AIG1: variants seen among roughly 807,000 people sequenced by gnomAD.
AIG1 encodes androgen induced 1, also known as androgen-induced gene 1 protein.
In AIG1, 23 loss-of-function variants were observed where a neutral mutation model predicts 31.4. The observed-to-expected ratio is 0.73, with a 90% CI of 0.53 to 1.04. The LOEUF is 1.04. AIG1 is among the 50% of genes least tolerant of loss of function. AIG1 has a pLI of 0.00. For missense variants in AIG1, 274 were observed against 295.0 expected (o/e 0.93, Z 0.52); for synonymous variants, 100 against 110.5 (o/e 0.90, Z 0.60).
chr6:143,275,020 A>T (rs1475483912), intron 3 of AIG1, among the ~76,000 whole-genome samples: 1 of 152,214 alleles, frequency 6.6e-6, no homozygotes. Flanking sequence ...ATAAACACAG[A>T]GGGATGAAAT....
chr6:143,203,581 G>A (rs183655680), intron 3 of AIG1, among the ~76,000 whole-genome samples: 44 of 152,276 alleles, frequency 2.9e-4, no homozygotes, highest in African/African-American at 9.1e-4. Flanking sequence ...CTCTAAACTG[G>A]GGAGATTAGG....
In AIG1 at chr6:143,212,551, C is replaced by A. The variant is rs1791673927; in HGVS notation, c.399+47368C>A. 2.0e-5 allele frequency among the ~76,000 whole-genome samples: 3 copies of A among 152,236 alleles called. No homozygotes were observed. The South Asian group carries it at 6.2e-4, about 32-fold the overall frequency. On this transcript the variant is annotated intron_variant, in intron 3 of 5. Coordinates refer to ENST00000357847, the MANE Select transcript of AIG1 (RefSeq NM_016108.4). ...GACACGTTTTAAGCAAGTGACTGAC[C>A]AGACCATGAATTCCTGAATAGGAAT...
In AIG1 at chr6:143,084,488, G is replaced by A. The variant is rs9403438; in HGVS notation, c.141+23422G>A. On this transcript the variant is annotated intron_variant, in intron 1 of 5. Coordinates refer to ENST00000357847, the MANE Select transcript of AIG1 (RefSeq NM_016108.4). The stretch of plus-strand genomic sequence containing the variant: ...AAAGCGGTGGCCTTTTTCTTATCCC[G>A]TTTGTCCCATTCCACCTGCTCCTCC... Among the ~76,000 whole-genome samples the A allele has an allele frequency of 2.8e-3, 428 of 152,176 alleles. 9 individuals carry two copies. In the East Asian group the frequency reaches 0.049, roughly 17 times the overall value.
Position 143,293,104 on chromosome 6 carries a change from A to T in AIG1, c.515+8879A>T, listed in dbSNP as rs1287718166. On this transcript the variant is annotated intron_variant, in intron 4 of 5. Transcript: ENST00000357847. This position sits in a 1 kb window ranked among gnomAD's most constrained non-coding sequence, Gnocchi z 4.8. ...TGTGAGGATTAATGAGCCCATAGGG[A>T]TGCTCAGGAAATGAGAGCATCTTCC... is the stretch of plus-strand genomic sequence containing the variant. 6.6e-6 allele frequency among the ~76,000 whole-genome samples: 1 copy of T among 152,122 alleles called. No homozygotes were observed. The highest frequency in any genetic ancestry group is 6.5e-5 in the Admixed American group (1 of 15,270).
At chr6:143,231,790 G>A (rs920109998) in intron 3 of AIG1, among the ~76,000 whole-genome samples, 5 of 152,246 alleles carry the variant, frequency 3.3e-5, no homozygotes, top group African/African-American at 1.2e-4. Flanking sequence ...TGTCAGTTTA[G>A]GCTAATCATA....
Position 143,284,264 on chromosome 6 carries a change from AT to A in AIG1, c.515+43del, listed in dbSNP as rs1797544003. 1 of 1,455,576 alleles carries A rather than the reference AT, an allele frequency of 6.9e-7. No homozygotes were observed. Among genetic ancestry groups the A allele is most frequent in the African/African-American group, 1.4e-5 (1 of 71,450 alleles). 90.2% of individuals were successfully genotyped at this position (1,455,576 alleles called of 1,614,324 possible). Reference sequence around the variant, plus strand: ...CTGCTGGGCTTTCTTATTGTATTAGATTTTGCACTGCTAAATTTGGGCACAT... The same window carrying A: ...CTGCTGGGCTTTCTTATTGTATTAGATTTGCACTGCTAAATTTGGGCACAT... On this transcript the variant is annotated intron_variant, in intron 4 of 5. Coordinates refer to ENST00000357847, the MANE Select transcript of AIG1 (RefSeq NM_016108.4). The surrounding 1 kb of genome is among the most constrained non-coding windows in gnomAD (Gnocchi z 4.4).
intron 3 of AIG1, among the ~76,000 whole-genome samples, chr6:143,260,389 G>C (rs1232528428): frequency 1.3e-5 from 2 of 152,154 alleles, no homozygotes; most frequent in African/African-American, 2.4e-5. Context: ...ATATTGTTGT[G>C]TTTGGTGTTT....
chr6:143,247,562 A>G (rs1044015035), intron 3 of AIG1, among the ~76,000 whole-genome samples: 2 of 152,220 alleles, frequency 1.3e-5, no homozygotes, highest in East Asian at 1.9e-4. Context: ...AGACACTTCT[A>G]CCAGCCAGGA....
rs1797871847 is a variant in AIG1 at position 143,288,924 on chromosome 6, G to A, written c.515+4699G>A. 1.3e-5 allele frequency among the ~76,000 whole-genome samples: 2 copies of A among 152,182 alleles called. No homozygotes were observed. Among genetic ancestry groups the A allele is most frequent in the Admixed American group, 1.3e-4 (2 of 15,280 alleles). ...ATAGGTGAATTCAAAGATTTCTGTG[G>A]TTGGGAGTTGTTTGAAAGAGTTAAG... is the stretch of plus-strand genomic sequence containing the variant. On this transcript the variant is annotated intron_variant, in intron 4 of 5. Coordinates refer to ENST00000357847, the MANE Select transcript of AIG1 (RefSeq NM_016108.4). This position sits in a 1 kb window ranked among gnomAD's most constrained non-coding sequence, Gnocchi z 4.4.
At chr6:143,228,791 G>C (rs1400316868) in intron 3 of AIG1, among the ~76,000 whole-genome samples, 1 of 152,228 alleles carries the variant, frequency 6.6e-6, no homozygotes, top group Non-Finnish European at 1.5e-5. Flanking sequence ...CTGCTCCTTT[G>C]TGTAGGTGTG....
In AIG1 at chr6:143,212,669, G is replaced by A. The variant is rs111642021; in HGVS notation, c.399+47486G>A. Among the ~76,000 whole-genome samples, 403 of 152,264 alleles carry A rather than the reference G, an allele frequency of 2.6e-3. 4 individuals carry two copies. Among genetic ancestry groups the A allele is most frequent in the African/African-American group, 9.3e-3 (385 of 41,564 alleles). On this transcript the variant is annotated intron_variant, in intron 3 of 5. Transcript: ENST00000357847. ...AAATGAAAACTCGGTGCCTCAGGGT[G>A]CCACACTCTTCAGGAGAGAGGTAAA... is the stretch of plus-strand genomic sequence containing the variant.
At chr6:143,216,778 G>A (rs983361679) in intron 3 of AIG1, among the ~76,000 whole-genome samples, 3 of 152,176 alleles carry the variant, frequency 2.0e-5, no homozygotes, top group African/African-American at 7.2e-5. Flanking sequence ...AGTGGTCTAC[G>A]CTTCCCTACA....
chr6:143,070,463 T>G (rs757107243), intron 1 of AIG1, among the ~76,000 whole-genome samples: 118 of 152,202 alleles, frequency 7.8e-4, no homozygotes, highest in Non-Finnish European at 1.2e-3. Flanking sequence ...TTTTTAGAAA[T>G]TTTTATTTTC....
At chr6:143,151,715 A>C (rs1785248450) in intron 2 of AIG1, among the ~76,000 whole-genome samples, 1 of 152,242 alleles carries the variant, frequency 6.6e-6, no homozygotes, top group Admixed American at 6.5e-5. Context: ...AATCAGACAG[A>C]TAAATAATTT....
At chr6:143,196,821 G>T (rs1319903618) in intron 3 of AIG1, among the ~76,000 whole-genome samples, 2 of 151,752 alleles carry the variant, frequency 1.3e-5, no homozygotes, top group Non-Finnish European at 2.9e-5. Flanking sequence ...TAATTTCTCT[G>T]ATCTTACTGG....
intron 3 of AIG1, among the ~76,000 whole-genome samples, chr6:143,227,748 G>C (rs1295971915): frequency 6.6e-6 from 1 of 152,140 alleles, no homozygotes; most frequent in East Asian, 1.9e-4. Flanking sequence ...GGAGGACCTA[G>C]GGGTGGGCTG....
intron 3 of AIG1, among the ~76,000 whole-genome samples, chr6:143,264,895 A>C (rs1796047961): frequency 6.6e-6 from 1 of 152,166 alleles, no homozygotes; most frequent in South Asian, 2.1e-4. Flanking sequence ...TATGCCACCC[A>C]TGTTAACCTT....
chr6:143,098,161 A>G (rs1016453009), intron 1 of AIG1, among the ~76,000 whole-genome samples: 1 of 152,186 alleles, frequency 6.6e-6, no homozygotes, highest in Non-Finnish European at 1.5e-5. Context: ...GAAGAAGTCT[A>G]CACTTCTGGT....
chr6:143,151,018 A>C (rs963381939), intron 2 of AIG1, among the ~76,000 whole-genome samples: 9 of 152,212 alleles, frequency 5.9e-5, no homozygotes, highest in African/African-American at 1.9e-4. Context: ...AGTGCTCTCA[A>C]ACAGAAAGAT....
Sources: allele counts gnomAD v4.1 joint callset (sites outside exome capture counted in the v4.1 genomes callset), GRCh38; gene constraint gnomAD v4.1.1; non-coding constraint Gnocchi (gnomAD v3.1); transcripts MANE v1.5; gene names NCBI Gene and HGNC (gene_info 2026-07-23, HGNC 2026-07-21).